The following COL22A1 variants were observed in gnomAD, a reference collection of about 807,000 sequenced individuals.
COL22A1 encodes collagen type XXII alpha 1 chain, also known as collagen alpha-1(XXII) chain.
COL22A1 carries 221 observed loss-of-function variants against 248.9 expected under a neutral mutation model. That is an observed-to-expected ratio of 0.89 (90% CI 0.80 to 0.99). The LOEUF (loss-of-function observed/expected upper bound fraction) is 0.99. Ranked by LOEUF, COL22A1 falls within the 50% of genes least tolerant of loss-of-function variation. The pLI is 0.00. For missense variants in COL22A1, 2,240 were observed against 2,179.0 expected (o/e 1.03, Z -0.56); for synonymous variants, 891 against 793.4 (o/e 1.12, Z -2.07).
At chr8:138,882,979 A>G in intron 2 of COL22A1, 103 bp downstream of exon 2, 1 of 1,017,434 alleles carries the variant, frequency 9.8e-7, no homozygotes, top group Non-Finnish European at 1.4e-6. Context: ...TCACACAGTC[A>G]GTTGTGAACT....
intron 36 of COL22A1, among the ~76,000 whole-genome samples, chr8:138,689,899 C>T (rs531841289): frequency 6.6e-6 from 1 of 152,134 alleles, no homozygotes; most frequent in Non-Finnish European, 1.5e-5. Flanking sequence ...CCACCCATCA[C>T]GTGGCTCAAC....
At chr8:138,909,777 C>A (rs1298507420) in intron 1 of COL22A1, among the ~76,000 whole-genome samples, 1 of 152,156 alleles carries the variant, frequency 6.6e-6, no homozygotes, top group Non-Finnish European at 1.5e-5. Flanking sequence ...CAGGGCCACC[C>A]TCAAACACTC....
chr8:138,711,084 G>A (rs1828924479), intron 30 of COL22A1, among the ~76,000 whole-genome samples: 1 of 152,140 alleles, frequency 6.6e-6, no homozygotes, highest in South Asian at 2.1e-4. Context: ...GTAGACCCAT[G>A]GGGGCTCTCT....
intron 16 of COL22A1, among the ~76,000 whole-genome samples, chr8:138,763,365 C>T (rs1229716546): frequency 3.3e-5 from 5 of 150,230 alleles, no homozygotes; most frequent in Admixed American, 6.7e-5. Flanking sequence ...CCAGCCCGGG[C>T]GACAGAGTGA....
chr8:138,812,100 A>G (rs1446563795), intron 8 of COL22A1, among the ~76,000 whole-genome samples, 179 bp from the exon 9 acceptor site: 3 of 152,180 alleles, frequency 2.0e-5, no homozygotes, highest in African/African-American at 7.2e-5. Context: ...CAGCCATTTC[A>G]CTGGCTGGCT....
intron 4 of COL22A1, among the ~76,000 whole-genome samples, 166 bp from the exon 5 acceptor site, chr8:138,833,316 C>T (rs1230577826): frequency 3.3e-5 from 5 of 152,180 alleles, no homozygotes; most frequent in South Asian, 4.1e-4. Context: ...CACAAGCACC[C>T]GAGTAATGGG....
At chr8:138,671,280 T>G (rs1253576612) in intron 41 of COL22A1, among the ~76,000 whole-genome samples, 1 of 152,172 alleles carries the variant, frequency 6.6e-6, no homozygotes, top group African/African-American at 2.4e-5. Flanking sequence ...AAATCTATAA[T>G]AAAAAGTTAC....
intron 50 of COL22A1, among the ~76,000 whole-genome samples, chr8:138,629,032 C>T (rs984866565): frequency 1.3e-5 from 2 of 151,808 alleles, no homozygotes; most frequent in African/African-American, 4.8e-5. Context: ...GGATGGGTCT[C>T]GATCTCCTGA....
At chr8:138,857,024 C>G (rs910334229) in intron 3 of COL22A1, among the ~76,000 whole-genome samples, 1 of 152,228 alleles carries the variant, frequency 6.6e-6, no homozygotes, top group Admixed American at 6.5e-5. Flanking sequence ...GAAAGGCCGC[C>G]TTTGCCCCTC....
At chr8:138,662,233 G>A in intron 42 of COL22A1, 150 bp from the exon 43 acceptor site, 1 of 626,126 alleles carries the variant, frequency 1.6e-6, no homozygotes, top group Non-Finnish European at 2.8e-6. Context: ...ACCCTGCTCA[G>A]AGCTTACTCA....
Position 138,604,719 on chromosome 8 carries a change from G to T in COL22A1, c.4140+15C>A, listed in dbSNP as rs199727094. ...TAAAGGGTTGCCAAGGGGTGAGTGG[G>T]CGTGTGATACTTGCCTCCTTGCCTG... On this transcript the variant is annotated intron_variant, in intron 59 of 64. Transcript: ENST00000303045. 70 of 1,612,234 alleles carry T rather than the reference G, an allele frequency of 4.3e-5. No homozygotes were observed. The African/African-American group carries it at 8.9e-4, about 21-fold the overall frequency.
Position 138,715,684 on chromosome 8 carries a change from T to C in COL22A1, c.2515A>G (p.Lys839Glu). Reference sequence around the variant, plus strand: ...GAATGAGAGCAAGTTTCTCCTACCTTTTCACCTCGGTCACCTTTCAGTCCT... The same window carrying C: ...GAATGAGAGCAAGTTTCTCCTACCTCTTCACCTCGGTCACCTTTCAGTCCT... ...LPGLKGDRGEKGEAGPAGPPG... is the reference protein window; with the variant it reads ...LPGLKGDRGEEGEAGPAGPPG... The change falls in exon 30 of 65, where the codon AAG (lysine) becomes GAG (glutamate). Residue 839 changes from lysine to glutamate, a missense_variant and splice_region_variant. Transcript: ENST00000303045. 1.9e-6 allele frequency: 3 copies of C among 1,610,960 alleles called. No homozygotes were observed. The highest frequency in any genetic ancestry group is 2.5e-6 in the Non-Finnish European group (3 of 1,178,206).
intron 36 of COL22A1, among the ~76,000 whole-genome samples, chr8:138,689,872 G>T (rs1826684746): frequency 6.6e-6 from 1 of 152,180 alleles, no homozygotes. Flanking sequence ...GAGCTATTCT[G>T]CTGGTGGTGC....
At chr8:138,664,192 G>GGT (rs1564163806) in intron 41 of COL22A1, among the ~76,000 whole-genome samples, 18 of 85,116 alleles carry the variant, frequency 2.1e-4, no homozygotes, top group East Asian at 4.7e-4. Context: ...TCCAACAAGG[G>GGT]GTGCGCGCGC....
At chr8:138,647,037 T>C (rs945937859) in intron 46 of COL22A1, among the ~76,000 whole-genome samples, 2 of 152,204 alleles carry the variant, frequency 1.3e-5, no homozygotes, top group Non-Finnish European at 2.9e-5. Context: ...GGTGTGTACT[T>C]GCTGAGATTA....
chr8:138,838,251 G>GGGTC (rs1222598884), intron 4 of COL22A1, among the ~76,000 whole-genome samples: 2 of 152,138 alleles, frequency 1.3e-5, no homozygotes, highest in Non-Finnish European at 2.9e-5. Context: ...CACAGAGGTG[G>GGGTC]GGTCCCTGGA....
At chr8:138,869,038 CTCT>C (rs1823118724) in intron 3 of COL22A1, among the ~76,000 whole-genome samples, 1 of 152,154 alleles carries the variant, frequency 6.6e-6, no homozygotes, top group African/African-American at 2.4e-5. Flanking sequence ...GCCCAGCATC[CTCT>C]TCTTACAGAT....
intron 1 of COL22A1, among the ~76,000 whole-genome samples, chr8:138,896,466 C>A (rs1438238405): frequency 6.6e-6 from 1 of 151,664 alleles, no homozygotes; most frequent in Non-Finnish European, 1.5e-5. Flanking sequence ...GAAGCAACCA[C>A]TAAAAAATAC....
intron 12 of COL22A1, among the ~76,000 whole-genome samples, chr8:138,784,213 G>A (rs1327397053): frequency 6.6e-6 from 1 of 152,224 alleles, no homozygotes; most frequent in Non-Finnish European, 1.5e-5. Flanking sequence ...CGGGAGACAT[G>A]CTCATTCCAG....
Sources: gnomAD v4.1 joint callset for allele counts (sites outside exome capture counted in the v4.1 genomes callset) on GRCh38, gnomAD v4.1.1 for gene constraint, MANE v1.5 for transcripts, NCBI Gene and HGNC (gene_info 2026-07-23, HGNC 2026-07-21) for gene names.